Variants in XKR4 observed in about 807,000 individuals in gnomAD.
XKR4 encodes XK-related protein 4.
Under a neutral mutation model 53.9 loss-of-function variants are expected in XKR4, and 12 were observed. The ratio of observed to expected loss-of-function variants is 0.22; its 90% CI spans 0.14 to 0.36. The LOEUF (loss-of-function observed/expected upper bound fraction) is 0.36. XKR4 is among the 10% of genes least tolerant of loss of function. XKR4 has a pLI of 1.00. For synonymous variants in XKR4, 354 were observed against 362.4 expected, an observed-to-expected ratio of 0.98 and a Z score of 0.26; for missense variants, 799 against 859.5, an observed-to-expected ratio of 0.93 and a Z score of 0.88.
At chr8:55,211,557 T>G (rs1469619076) in intron 1 of XKR4, among the ~76,000 whole-genome samples, 1 of 152,232 alleles carries the variant, frequency 6.6e-6, no homozygotes, top group Non-Finnish European at 1.5e-5. Context: ...TTCTCTGTCT[T>G]TTAATAATTA....
chr8:55,289,077 G>A (rs1818946534), intron 1 of XKR4, among the ~76,000 whole-genome samples: 1 of 152,034 alleles, frequency 6.6e-6, no homozygotes. Flanking sequence ...AAGACACAAG[G>A]GTAGTTTCCA....
intron 1 of XKR4, among the ~76,000 whole-genome samples, chr8:55,235,585 T>C (rs146745636): frequency 6.6e-6 from 1 of 152,334 alleles, no homozygotes; most frequent in Admixed American, 6.5e-5. Flanking sequence ...CAAAGAATCA[T>C]TTGCAGGTAT....
At chr8:55,266,149 T>C (rs7819153) in intron 1 of XKR4, among the ~76,000 whole-genome samples, 21,003 of 151,488 alleles carry the variant, frequency 0.14, 1,681 homozygotes, top group Non-Finnish European at 0.19. Flanking sequence ...CAGAGTGAGA[T>C]CCTATCTCAA....
rs201541808 is a variant in XKR4 at position 55,429,546 on chromosome 8, G to GA, written c.1006+71679dup. ...CAACATAGCAAGACCTCATCTGTAT[G>GA]AAAAAAAAAATGTTTTAAATTAGCC... On this transcript the variant is annotated intron_variant, in intron 2 of 2. Transcript: ENST00000327381. 7.0e-3 allele frequency among the ~76,000 whole-genome samples: 1,047 copies of GA among 148,918 alleles called. 8 individuals are homozygous for GA. The highest frequency in any genetic ancestry group is 0.023 in the African/African-American group (940 of 40,584).
rs961873227 is a variant in XKR4 at position 55,529,959 on chromosome 8, A to G, written c.*5732A>G. ...ACTGTCCCCCTCCTATGGCTCCACT[A>G]TGTATTCAATTAAGTGATAAATATA... On this transcript the variant is annotated 3_prime_UTR_variant, in exon 3 of 3. Coordinates refer to ENST00000327381, the MANE Select transcript of XKR4 (RefSeq NM_052898.2). The G allele has an allele frequency of 1.2e-4, 18 of 152,150 alleles. No homozygotes were observed. Among genetic ancestry groups the G allele is most frequent in the African/African-American group, 3.9e-4 (16 of 41,436 alleles). 9.4% of individuals were successfully genotyped at this position (152,150 alleles called of 1,614,324 possible).
intron 1 of XKR4, among the ~76,000 whole-genome samples, chr8:55,209,229 T>TGTGTGTGTGTGTG (rs1817693521): frequency 1.2e-5 from 1 of 82,932 alleles, no homozygotes; most frequent in South Asian, 3.3e-4. Flanking sequence ...GTGTGTGTGT[T>TGTGTGTGTGTGTG]ATTCTTCTCT....
At chr8:55,461,110 T>A (rs1805649573) in intron 2 of XKR4, among the ~76,000 whole-genome samples, 1 of 152,238 alleles carries the variant, frequency 6.6e-6, no homozygotes, top group African/African-American at 2.4e-5. Flanking sequence ...CCTGTCTGAC[T>A]GCTTTGAAGA....
intron 2 of XKR4, among the ~76,000 whole-genome samples, chr8:55,378,177 A>G (rs1804177520): frequency 6.6e-6 from 1 of 152,252 alleles, no homozygotes; most frequent in South Asian, 2.1e-4. Flanking sequence ...ATGAAATAGT[A>G]CAATGAATTT....
intron 2 of XKR4, among the ~76,000 whole-genome samples, chr8:55,424,574 A>C (rs1804986302): frequency 1.3e-5 from 2 of 152,356 alleles, no homozygotes; most frequent in South Asian, 4.1e-4. Context: ...ACTAGCAGCC[A>C]ACAACTGGCA....
intron 2 of XKR4, among the ~76,000 whole-genome samples, chr8:55,495,353 C>A (rs1262214040): frequency 6.6e-6 from 1 of 152,076 alleles, no homozygotes; most frequent in Non-Finnish European, 1.5e-5. Flanking sequence ...TACAGCTGCA[C>A]CCAAGGAGCT....
chr8:55,232,521 G>T (rs1327733787), intron 1 of XKR4, among the ~76,000 whole-genome samples: 1 of 152,156 alleles, frequency 6.6e-6, no homozygotes, highest in Non-Finnish European at 1.5e-5. Context: ...CAGTTTCCTG[G>T]ACATTTTATA....
chr8:55,520,169 T>C (rs1806778718), intron 2 of XKR4, among the ~76,000 whole-genome samples: 1 of 152,244 alleles, frequency 6.6e-6, no homozygotes, highest in Non-Finnish European at 1.5e-5. Context: ...AACTAAGTGT[T>C]CTGTGGCAGT....
intron 1 of XKR4, among the ~76,000 whole-genome samples, chr8:55,356,828 C>A (rs1295081800): frequency 6.6e-6 from 1 of 152,140 alleles, no homozygotes; most frequent in Admixed American, 6.6e-5. Context: ...TCTCTACCAA[C>A]CCTGAGACAG....
At chr8:55,269,853 A>G (rs1157036463) in intron 1 of XKR4, among the ~76,000 whole-genome samples, 2 of 152,112 alleles carry the variant, frequency 1.3e-5, no homozygotes, top group Non-Finnish European at 2.9e-5. Flanking sequence ...GGGACCCTAT[A>G]TATGTTGGTA....
At chr8:55,119,176 C>A (rs1403615457) in intron 1 of XKR4, among the ~76,000 whole-genome samples, 1 of 152,166 alleles carries the variant, frequency 6.6e-6, no homozygotes. Context: ...CACTGTCCTG[C>A]AAGAGTCTGC....
intron 1 of XKR4, among the ~76,000 whole-genome samples, chr8:55,128,025 G>A (rs141701352): frequency 1.8e-3 from 280 of 152,170 alleles, no homozygotes; most frequent in Non-Finnish European, 3.1e-3. Context: ...ATTGTGAATA[G>A]TCTCGCAATA....
chr8:55,408,567 C>A (rs1350322907), intron 2 of XKR4, among the ~76,000 whole-genome samples: 1 of 152,170 alleles, frequency 6.6e-6, no homozygotes, highest in Non-Finnish European at 1.5e-5. Context: ...AAGTCCAGAG[C>A]GTCAGGCAGA....
chr8:55,448,429 A>G (rs7845419), intron 2 of XKR4, among the ~76,000 whole-genome samples: 3 of 152,228 alleles, frequency 2.0e-5, no homozygotes, highest in Admixed American at 2.0e-4. Flanking sequence ...TTTGCAATCA[A>G]AATGAATCCA....
intron 1 of XKR4, among the ~76,000 whole-genome samples, chr8:55,223,009 C>G (rs922105171): frequency 2.6e-5 from 4 of 152,060 alleles, no homozygotes; most frequent in African/African-American, 7.2e-5. Flanking sequence ...ACTGGCTGCT[C>G]TTTATCTCAT....
Sources: gnomAD v4.1 joint callset for allele counts (sites outside exome capture counted in the v4.1 genomes callset) on GRCh38, gnomAD v4.1.1 for gene constraint, MANE v1.5 for transcripts, NCBI Gene and HGNC (gene_info 2026-07-23, HGNC 2026-07-21) for gene names.